FCRL1: variants seen among roughly 807,000 people sequenced by gnomAD.
FCRL1 encodes the protein Fc receptor-like protein 1.
FCRL1 carries 34 observed loss-of-function variants against 49.2 expected under a neutral mutation model. The ratio of observed to expected loss-of-function variants is 0.69; its 90% CI spans 0.53 to 0.92. FCRL1 has a LOEUF of 0.92. Ranked by LOEUF, FCRL1 falls within the 40% of genes least tolerant of loss-of-function variation. FCRL1 has a pLI of 0.00. For synonymous variants in FCRL1, 218 were observed against 201.6 expected (o/e 1.08, Z -0.69); for missense variants, 524 against 524.1 (o/e 1.00, Z 0.00).
In FCRL1 at chr1:157,802,627, G is replaced by A. The variant is rs1027865458; in HGVS notation, c.357C>T (p.Pro119=). Residue 119 remains proline, a synonymous_variant, in exon 4 of 11, where the codon CCC becomes CCT. Transcript: ENST00000368176. ...PVADVSLETQ[P]PGGQVMEGDR... is the part of the protein sequence containing the mutation. The stretch of plus-strand genomic sequence containing the variant: ...CTCCCTCCATCACCTGTCCTCCTGG[G>A]GGCTGAGTCTCCAAGCTCACATCAG... The A allele has an allele frequency of 6.2e-7, 1 of 1,613,936 alleles. No homozygotes were observed. Among genetic ancestry groups the A allele is most frequent in the South Asian group, 1.1e-5 (1 of 91,036 alleles).
At chr1:157,811,482 A>G (rs1654307108) in intron 1 of FCRL1, among the ~76,000 whole-genome samples, 1 of 152,198 alleles carries the variant, frequency 6.6e-6, no homozygotes, top group Admixed American at 6.5e-5. Flanking sequence ...AGTCCCCAGA[A>G]GCCCCCATTA....
chr1:157,803,970 C>T lies in FCRL1; in HGVS notation c.194G>A (p.Trp65Ter). The change falls in exon 3 of 11, where the codon TGG becomes TAG. Residue 65 changes from tryptophan to a stop codon, truncating the protein, a stop_gained. Transcript: ENST00000368176. LOFTEE classifies it high-confidence loss of function. Reference protein sequence around the residue: ...FRDTRALGPGWSSSPKLQIAA... With the variant: ...FRDTRALGPG ...GATCTGGAGCTTGGGGGAGCTGCTC[C>T]AGCCTGGGCCCAAGGCCCGGGTGTC... is the stretch of plus-strand genomic sequence containing the variant. 1 of 1,614,218 alleles carries T rather than the reference C, an allele frequency of 6.2e-7. No individual in the cohort carries two copies. The highest frequency in any genetic ancestry group is 8.5e-7 in the Non-Finnish European group (1 of 1,180,042).
chr1:157,819,151 T>A (rs1655453019), intron 1 of FCRL1, among the ~76,000 whole-genome samples: 1 of 152,086 alleles, frequency 6.6e-6, no homozygotes, highest in South Asian at 2.1e-4. Context: ...CAGAGAAGTA[T>A]GAGGTGACAG....
At position 157,801,402 on chromosome 1, in the gene FCRL1, CCTATTTCAGT is replaced by C. The variant is rs1479795138; in HGVS notation, c.1003+49_1003+58del. 3.7e-6 allele frequency: 4 copies of C among 1,090,852 alleles called. No individual in the cohort carries two copies. The East Asian group carries it at 9.4e-5, about 26-fold the overall frequency. 67.6% of individuals were successfully genotyped at this position (1,090,852 alleles called of 1,614,324 possible). ...TGCAGTATACATGTCACAATTTCAG[CCTATTTCAGT>C]GAAAACAAAGATCACAGTAACAAAA... is the stretch of plus-strand genomic sequence containing the variant. On this transcript the variant is annotated intron_variant, in intron 6 of 10. Coordinates refer to ENST00000368176, the MANE Select transcript of FCRL1 (RefSeq NM_052938.5).
chr1:157,804,243 T>A, intron 2 of FCRL1, 132 bp from the exon 3 acceptor site: 3 of 1,000,220 alleles, frequency 3.0e-6, no homozygotes, highest in Non-Finnish European at 4.2e-6. Context: ...CCTACATGTC[T>A]CCACCCCCCC....
chr1:157,801,181 C>T (rs772400506), intron 6 of FCRL1, among the ~76,000 whole-genome samples: 1 of 152,158 alleles, frequency 6.6e-6, no homozygotes, highest in Non-Finnish European at 1.5e-5. Flanking sequence ...TGAGCCACCG[C>T]CCCCGGCCAA....
chr1:157,811,035 C>A (rs1383311957), intron 1 of FCRL1, among the ~76,000 whole-genome samples: 1 of 152,190 alleles, frequency 6.6e-6, no homozygotes, highest in Non-Finnish European at 1.5e-5. Flanking sequence ...CCCGCCTCAA[C>A]CTCCCAAAGT....
chr1:157,803,788 C>T (rs1652921615), intron 3 of FCRL1, 57 bp downstream of exon 3: 12 of 1,583,614 alleles, frequency 7.6e-6, no homozygotes, highest in Non-Finnish European at 9.5e-6. Flanking sequence ...TGAGGATTAG[C>T]CTCTTGCCAC....
At chr1:157,812,614 G>A (rs980561745) in intron 1 of FCRL1, among the ~76,000 whole-genome samples, 1 of 152,090 alleles carries the variant, frequency 6.6e-6, no homozygotes, top group African/African-American at 2.4e-5. Flanking sequence ...TGCCTGTTGG[G>A]CCTGAGATAC....
At chr1:157,798,045 G>C in intron 8 of FCRL1, 106 bp from the exon 9 acceptor site, 1 of 1,504,698 alleles carries the variant, frequency 6.6e-7, no homozygotes, top group Non-Finnish European at 9.2e-7. Context: ...TGAGTCATTT[G>C]TTTGTAGCAG....
At position 157,803,961 on chromosome 1, in the gene FCRL1, G is replaced by T; in HGVS notation, c.203C>A (p.Ser68Tyr). 1 of 1,614,196 alleles carries T rather than the reference G, an allele frequency of 6.2e-7. No individual in the cohort carries two copies. Among genetic ancestry groups the T allele is most frequent in the South Asian group, 1.1e-5 (1 of 91,082 alleles). The change falls in exon 3 of 11, where the codon TCC becomes TAC. Residue 68 changes from serine to tyrosine, a missense_variant. Coordinates refer to ENST00000368176, the MANE Select transcript of FCRL1 (RefSeq NM_052938.5). ...TRALGPGWSS[S>Y]PKLQIAAMWK... ...CATGGCAGCGATCTGGAGCTTGGGG[G>T]AGCTGCTCCAGCCTGGGCCCAAGGC...
At chr1:157,806,943 C>G in intron 2 of FCRL1, 159 bp downstream of exon 2, 2 of 694,200 alleles carry the variant, frequency 2.9e-6, no homozygotes, top group Non-Finnish European at 4.9e-6. Flanking sequence ...GCAGCCCAGG[C>G]CCAAGGGAGC....
At chr1:157,797,216 C>T in intron 9 of FCRL1, 84 bp from the exon 10 acceptor site, 1 of 1,234,962 alleles carries the variant, frequency 8.1e-7, no homozygotes, top group Non-Finnish European at 1.2e-6. Flanking sequence ...GCTTCTTCCT[C>T]TCCCATCTAT....
chr1:157,799,298 C>T (rs778564919), intron 7 of FCRL1, among the ~76,000 whole-genome samples: 20 of 152,146 alleles, frequency 1.3e-4, no homozygotes, highest in Non-Finnish European at 2.5e-4. Flanking sequence ...CTGTGCCCAG[C>T]CGCAATGTGA....
Position 157,801,965 on chromosome 1 carries a change from T to A in FCRL1, c.836A>T (p.Asn279Ile). The A allele has an allele frequency of 6.2e-7, 1 of 1,614,224 alleles. No individual in the cohort carries two copies. Among genetic ancestry groups the A allele is most frequent in the East Asian group, 2.2e-5 (1 of 44,888 alleles). The change falls in exon 5 of 11, where the codon AAC becomes ATC. Residue 279 changes from asparagine (N) to isoleucine (I), a missense_variant. Physicochemically the swap from Asn to Ile is moderately radical, Grantham distance 149. Transcript: ENST00000368176. ...ACTGCGCTGGGCCCCCAGGCCATTG[T>A]TGGCCTCACAGGAGTAGTTTCCAGA... Reference protein sequence around the residue: ...EHSGNYSCEANNGLGAQRSEA... With the variant: ...EHSGNYSCEAINGLGAQRSEA...
chr1:157,809,015 C>T (rs1653902900), intron 1 of FCRL1, among the ~76,000 whole-genome samples: 1 of 152,050 alleles, frequency 6.6e-6, no homozygotes, highest in Non-Finnish European at 1.5e-5. Context: ...ATCAAGAGAT[C>T]TGTTTGAGTT....
At chr1:157,819,070 G>A (rs1655441594) in intron 1 of FCRL1, among the ~76,000 whole-genome samples, 1 of 152,124 alleles carries the variant, frequency 6.6e-6, no homozygotes, top group Non-Finnish European at 1.5e-5. Flanking sequence ...ACAGAAAGAT[G>A]AGAGAGTTTT....
chr1:157,797,026 A>G lies in FCRL1; in HGVS notation c.1218+75T>C, dbSNP rs114972822. 1.3e-3 allele frequency: 1,864 copies of G among 1,479,738 alleles called. 16 individuals carry two copies. In the African/African-American group the frequency reaches 0.022, roughly 18 times the overall value. 91.7% of individuals were successfully genotyped at this position (1,479,738 alleles called of 1,614,324 possible). ...GGATTTTTGCTCTTTCTAAGTGGCTATAATTTAAGAAGTTTGAGAACCAGT... is the reference window on the plus strand; with the variant it reads ...GGATTTTTGCTCTTTCTAAGTGGCTGTAATTTAAGAAGTTTGAGAACCAGT... On this transcript the variant is annotated intron_variant, in intron 10 of 10. Transcript: ENST00000368176.
At chr1:157,804,152 G>A (rs375726057) in intron 2 of FCRL1, 41 bp from the exon 3 acceptor site, 237 of 1,598,044 alleles carry the variant, frequency 1.5e-4, no homozygotes, top group Non-Finnish European at 1.9e-4. Context: ...ATGCGGTTCG[G>A]AATTTCTGGT....
Sources: gnomAD v4.1 joint callset for allele counts (sites outside exome capture counted in the v4.1 genomes callset) on GRCh38, gnomAD v4.1.1 for gene constraint, MANE v1.5 for transcripts, NCBI Gene and HGNC (gene_info 2026-07-23, HGNC 2026-07-21) for gene names.